CNTNAP2: variants seen among roughly 807,000 people sequenced by gnomAD.
CNTNAP2 encodes contactin-associated protein-like 2.
CNTNAP2 carries 98 observed loss-of-function variants against 155.2 expected under a neutral mutation model. The ratio of observed to expected loss-of-function variants is 0.63; its 90% CI spans 0.54 to 0.75. CNTNAP2 has a LOEUF of 0.75. CNTNAP2 is among the 30% of genes least tolerant of loss of function. CNTNAP2 has a pLI of 0.00. For missense variants in CNTNAP2, 1,727 were observed against 1,688.1 expected, an observed-to-expected ratio of 1.02 and a Z score of -0.40; for synonymous variants, 651 against 631.2, an observed-to-expected ratio of 1.03 and a Z score of -0.47.
At chr7:147,031,350 A>G (rs1053724499) in intron 3 of CNTNAP2, among the ~76,000 whole-genome samples, 2 of 152,208 alleles carry the variant, frequency 1.3e-5, no homozygotes, top group African/African-American at 4.8e-5. Context: ...AGAAATTCAA[A>G]TATGCATCCA....
At chr7:147,643,860 T>A (rs13437647) in intron 13 of CNTNAP2, among the ~76,000 whole-genome samples, 9 of 152,286 alleles carry the variant, frequency 5.9e-5, no homozygotes, top group African/African-American at 2.2e-4. Context: ...ATAAATATTC[T>A]TTTATACCAT....
Position 148,389,303 on chromosome 7 carries a change from G to C in CNTNAP2, c.3715+5415G>C, listed in dbSNP as rs1021240544. On this transcript the variant is annotated intron_variant, in intron 22 of 23. Coordinates refer to ENST00000361727, the MANE Select transcript of CNTNAP2 (RefSeq NM_014141.6). Reference sequence around the variant, plus strand: ...GGGCAGGTCTTTCCATGCTGTTGTCGTGACAGTGAATAAGTCTCACAAGAT... The same window carrying C: ...GGGCAGGTCTTTCCATGCTGTTGTCCTGACAGTGAATAAGTCTCACAAGAT... Among the ~76,000 whole-genome samples, 3 of 152,118 alleles carry C rather than the reference G, an allele frequency of 2.0e-5. No individual in the cohort carries two copies. The East Asian group carries it at 5.8e-4, about 29-fold the overall frequency.
At chr7:146,152,677 A>G (rs1384671750) in intron 1 of CNTNAP2, among the ~76,000 whole-genome samples, 1 of 152,138 alleles carries the variant, frequency 6.6e-6, no homozygotes, top group African/African-American at 2.4e-5. Flanking sequence ...ATAAAATAAA[A>G]TAATATAATT....
At chr7:147,735,823 T>C (rs149769279) in intron 13 of CNTNAP2, among the ~76,000 whole-genome samples, 28,289 of 150,668 alleles carry the variant, frequency 0.19, 3,077 homozygotes, top group Middle Eastern at 0.38. Context: ...AAGTTTGTTT[T>C]ATCAGAGACT....
intron 1 of CNTNAP2, among the ~76,000 whole-genome samples, chr7:146,688,511 G>A (rs945087692): frequency 5.3e-5 from 8 of 152,008 alleles, no homozygotes; most frequent in Non-Finnish European, 8.8e-5. Flanking sequence ...GTTAAAGGGG[G>A]TTGTTCTCTT....
At chr7:147,377,175 G>A (rs914354061) in intron 9 of CNTNAP2, among the ~76,000 whole-genome samples, 16 of 141,484 alleles carry the variant, frequency 1.1e-4, no homozygotes, top group African/African-American at 4.0e-4. Context: ...TTAAAATATC[G>A]ATTTCCCCTA....
At chr7:148,250,976 G>A (rs1478623013) in intron 20 of CNTNAP2, among the ~76,000 whole-genome samples, 1 of 152,084 alleles carries the variant, frequency 6.6e-6, no homozygotes, top group Admixed American at 6.5e-5. Context: ...GCCTCCCAAA[G>A]TGCTGAGATG....
intron 9 of CNTNAP2, among the ~76,000 whole-genome samples, chr7:147,344,722 T>C (rs1021097026): frequency 7.9e-5 from 12 of 152,194 alleles, no homozygotes; most frequent in Non-Finnish European, 1.5e-5. Flanking sequence ...TCTTAGTTCT[T>C]TAAAGGATTA....
At chr7:146,277,801 G>A (rs1800187450) in intron 1 of CNTNAP2, among the ~76,000 whole-genome samples, 1 of 152,094 alleles carries the variant, frequency 6.6e-6, no homozygotes, top group East Asian at 1.9e-4. Flanking sequence ...ACTTGGTCTG[G>A]CTAGAAATTT....
intron 1 of CNTNAP2, among the ~76,000 whole-genome samples, chr7:146,297,195 A>G (rs1360144412): frequency 2.6e-5 from 4 of 152,118 alleles, no homozygotes; most frequent in African/African-American, 9.7e-5. Context: ...ATATAGAAAA[A>G]CAATTTAAAT....
At chr7:146,822,357 A>C (rs1337335028) in intron 2 of CNTNAP2, among the ~76,000 whole-genome samples, 1 of 151,922 alleles carries the variant, frequency 6.6e-6, no homozygotes, top group African/African-American at 2.4e-5. Flanking sequence ...GCATTAGGAG[A>C]TATACCTAAT....
intron 12 of CNTNAP2, among the ~76,000 whole-genome samples, chr7:147,574,728 C>A (rs1309734166): frequency 6.6e-6 from 1 of 152,052 alleles, no homozygotes; most frequent in Non-Finnish European, 1.5e-5. Context: ...GTATTTGGTA[C>A]AAGTGTAGGC....
chr7:146,759,914 T>C lies in CNTNAP2; in HGVS notation c.98-14357T>C, dbSNP rs141541910. Among the ~76,000 whole-genome samples, 511 of 152,244 alleles carry C rather than the reference T, an allele frequency of 3.4e-3. 5 individuals are homozygous for C. The highest frequency in any genetic ancestry group is 0.011 in the African/African-American group (474 of 41,574). On this transcript the variant is annotated intron_variant, in intron 1 of 23. Transcript: ENST00000361727. ...GTATCACAGTAAGAGAAAGGACGTT[T>C]AGTAATTTAATATATAAAAATAAAC...
At chr7:146,868,519 G>T (rs1585129812) in intron 3 of CNTNAP2, among the ~76,000 whole-genome samples, 2 of 152,220 alleles carry the variant, frequency 1.3e-5, no homozygotes, top group South Asian at 4.1e-4. Context: ...GGTTCCGTAT[G>T]AATTTTAAAA....
chr7:147,920,355 C>CAAAAAAAA (rs35672069), intron 14 of CNTNAP2, among the ~76,000 whole-genome samples: 3 of 86,832 alleles, frequency 3.5e-5, no homozygotes, highest in Non-Finnish European at 4.4e-5. Context: ...GACTCCGTCT[C>CAAAAAAAA]AAAAAAAAAA....
chr7:148,039,424 C>T (rs887767425), intron 15 of CNTNAP2, among the ~76,000 whole-genome samples: 2 of 152,212 alleles, frequency 1.3e-5, no homozygotes, highest in African/African-American at 4.8e-5. Context: ...ACACCCCAAT[C>T]TCCTCTGGAA....
chr7:147,734,653 T>G lies in CNTNAP2; in HGVS notation c.2098+95347T>G, dbSNP rs149127260. 5.1e-3 allele frequency among the ~76,000 whole-genome samples: 783 copies of G among 152,300 alleles called. 7 individuals carry two copies. The highest frequency in any genetic ancestry group is 0.015 in the African/African-American group (628 of 41,552). Reference sequence around the variant, plus strand: ...TGTGAATCTGTCTGGTCCTGCACATTTTTTGGTTGGTAAGCTATTAATTAT... The same window carrying G: ...TGTGAATCTGTCTGGTCCTGCACATGTTTTGGTTGGTAAGCTATTAATTAT... On this transcript the variant is annotated intron_variant, in intron 13 of 23. Coordinates refer to ENST00000361727, the MANE Select transcript of CNTNAP2 (RefSeq NM_014141.6).
intron 9 of CNTNAP2, among the ~76,000 whole-genome samples, chr7:147,393,825 A>C (rs888584270): frequency 6.6e-6 from 1 of 151,994 alleles, no homozygotes; most frequent in Non-Finnish European, 1.5e-5. Flanking sequence ...TTATTTTTAT[A>C]CAGTACTGTG....
chr7:146,588,153 G>A (rs1224587949), intron 1 of CNTNAP2, among the ~76,000 whole-genome samples: 1 of 152,028 alleles, frequency 6.6e-6, no homozygotes, highest in East Asian at 1.9e-4. Flanking sequence ...ACCTTCAGAA[G>A]TTTTCAGTAG....
Sources: allele counts gnomAD v4.1 joint callset (sites outside exome capture counted in the v4.1 genomes callset), GRCh38; gene constraint gnomAD v4.1.1; transcripts MANE v1.5; gene names NCBI Gene and HGNC (gene_info 2026-07-23, HGNC 2026-07-21).